Variants in UPP1 observed in about 807,000 individuals in gnomAD.
UPP1 encodes uridine phosphorylase 1.
In UPP1, 25 loss-of-function variants were observed where a neutral mutation model predicts 29.6. The observed-to-expected ratio is 0.85, with a 90% confidence interval of 0.62 to 1.18. UPP1 has a LOEUF of 1.18. Among genes scored for constraint, UPP1 ranks in the 50% most tolerant of loss-of-function variants. The probability of loss-of-function intolerance (pLI) is 0.00; values close to 1 mark genes in which losing one functional copy is unlikely to be tolerated. For synonymous variants in UPP1, 165 were observed against 159.8 expected, an observed-to-expected ratio of 1.03 and a Z score of -0.25; for missense variants, 368 against 410.4, an observed-to-expected ratio of 0.90 and a Z score of 0.89.
chr7:48,095,011 C>T (rs1048550324), intron 3 of UPP1, among the ~76,000 whole-genome samples, 184 bp downstream of exon 3: 7 of 152,266 alleles, frequency 4.6e-5, no homozygotes, highest in East Asian at 1.9e-4. Context: ...TAAAGACCTC[C>T]GGGGTCGGGT....
chr7:48,102,734 A>G (rs1792500556), intron 5 of UPP1, among the ~76,000 whole-genome samples: 1 of 152,178 alleles, frequency 6.6e-6, no homozygotes, highest in South Asian at 2.1e-4. Flanking sequence ...GGGGAGAGGC[A>G]TCACAGAAGT....
intron 3 of UPP1, among the ~76,000 whole-genome samples, chr7:48,097,519 C>T (rs1208843563): frequency 6.6e-6 from 1 of 152,186 alleles, no homozygotes; most frequent in Non-Finnish European, 1.5e-5. Flanking sequence ...CAGGAGTGAG[C>T]CACTGTACCC....
intron 6 of UPP1, 140 bp downstream of exon 6, chr7:48,103,551 T>C: frequency 1.1e-6 from 1 of 894,566 alleles, no homozygotes; most frequent in South Asian, 1.5e-5. Context: ...TAACAGGAGG[T>C]GTGAAAAGAA....
At chr7:48,089,896 G>A (rs188266185) in intron 1 of UPP1, among the ~76,000 whole-genome samples, 5 of 152,320 alleles carry the variant, frequency 3.3e-5, no homozygotes, top group African/African-American at 1.2e-4. Context: ...GGAAGGAGAT[G>A]GTGACTTAAG....
At chr7:48,107,761 C>G (rs1264159963) in intron 8 of UPP1, among the ~76,000 whole-genome samples, 3 of 152,206 alleles carry the variant, frequency 2.0e-5, no homozygotes, top group Non-Finnish European at 2.9e-5. Context: ...CTTTTGCTGC[C>G]CCATGAGGCT....
At chr7:48,097,708 G>T (rs1397573837) in intron 3 of UPP1, among the ~76,000 whole-genome samples, 2 of 152,160 alleles carry the variant, frequency 1.3e-5, no homozygotes, top group Non-Finnish European at 2.9e-5. Flanking sequence ...GCCCTTCTAT[G>T]TTGTACTCTG....
In UPP1 at chr7:48,108,536, T is replaced by G; in HGVS notation, c.*179T>G. The G allele has an allele frequency of 1.5e-6, 1 of 680,040 alleles. No homozygotes were observed. Among genetic ancestry groups the G allele is most frequent in the South Asian group, 3.7e-5 (1 of 26,714 alleles). 42.1% of individuals were successfully genotyped at this position (680,040 alleles called of 1,614,324 possible). A position where few individuals can be genotyped will look rare whatever the true frequency, so the allele number is the denominator to read the frequency against. ...TGGGAGATGTTCTTCCTTTTGAAGT[T>G]TCATTGGAGCATTTTCAATGATGTT... On this transcript the variant is annotated 3_prime_UTR_variant, in exon 9 of 9. Coordinates refer to ENST00000395564, the MANE Select transcript of UPP1 (RefSeq NM_003364.4).
rs750795749 is a variant in UPP1, at chr7:48,094,756, T to C, written c.-21-7T>C. ...ATTCACTCCATTCTGTGATTTTTTT[T>C]CCTTAGGGTCCTGCCTCAGTTGGCG... On this transcript the variant is annotated splice_region_variant and splice_polypyrimidine_tract_variant and intron_variant, in intron 2 of 8. Coordinates refer to ENST00000395564, the MANE Select transcript of UPP1 (RefSeq NM_003364.4). 6 of 1,614,062 alleles carry C rather than the reference T, an allele frequency of 3.7e-6. No homozygotes were observed. The Admixed American group carries it at 8.3e-5, about 22-fold the overall frequency.
intron 8 of UPP1, among the ~76,000 whole-genome samples, chr7:48,107,909 C>T (rs199501494): frequency 2.0e-4 from 31 of 152,208 alleles, no homozygotes; most frequent in Admixed American, 2.0e-3. Context: ...TCGGCCAAAA[C>T]GTGCCTTTCA....
chr7:48,089,983 C>G (rs78112151), intron 1 of UPP1, among the ~76,000 whole-genome samples: 3 of 152,214 alleles, frequency 2.0e-5, no homozygotes, highest in East Asian at 3.8e-4. Context: ...ATGATTGTTA[C>G]GCGAGCTTTC....
At chr7:48,098,669 G>A (rs1792256344) in intron 3 of UPP1, among the ~76,000 whole-genome samples, 2 of 152,140 alleles carry the variant, frequency 1.3e-5, no homozygotes, top group Admixed American at 6.5e-5. Flanking sequence ...TTTCTCATGA[G>A]TTAGAATGAG....
intron 6 of UPP1, 28 bp from the exon 7 acceptor site, chr7:48,106,845 A>C (rs200282252): frequency 1.2e-6 from 2 of 1,611,052 alleles, no homozygotes; most frequent in Non-Finnish European, 1.7e-6. Context: ...TACACCCTGC[A>C]TATCTTGATG....
In UPP1 at chr7:48,104,389, A is replaced by G. The variant is rs192679615; in HGVS notation, c.436+978A>G. ...CTCTCTGGGGTTCCAACTCTGTGCC[A>G]TTCTTTCTGCTAAAAACTGGGTTCT... On this transcript the variant is annotated intron_variant, in intron 6 of 8. Coordinates refer to ENST00000395564, the MANE Select transcript of UPP1 (RefSeq NM_003364.4). Among the ~76,000 whole-genome samples, 358 of 152,262 alleles carry G rather than the reference A, an allele frequency of 2.4e-3. 2 individuals carry two copies. The highest frequency in any genetic ancestry group is 7.9e-3 in the African/African-American group (327 of 41,552).
intron 7 of UPP1, 43 bp downstream of exon 7, chr7:48,107,125 C>T (rs750155842): frequency 6.3e-7 from 1 of 1,599,840 alleles, no homozygotes; most frequent in Non-Finnish European, 8.5e-7. Flanking sequence ...GCCAGGGAAC[C>T]CTGGTCCGTC....
At position 48,107,077 on chromosome 7, in the gene UPP1, AT is replaced by A. The variant is rs764996842; in HGVS notation, c.642del (p.Tyr214Ter). 6.8e-5 allele frequency: 109 copies of A among 1,611,656 alleles called. No homozygotes were observed. The highest frequency in any genetic ancestry group is 8.7e-5 in the Non-Finnish European group (103 of 1,179,712). On this transcript the variant is annotated frameshift_variant, in exon 7 of 9. Transcript: ENST00000395564. LOFTEE classifies it high-confidence loss of function. ...AACACCATGTGCACCTTGGACTTCTATGAAGGTGAGGCAGCGGATACGAGGA... is the reference window on the plus strand; with the variant it reads ...AACACCATGTGCACCTTGGACTTCTAGAAGGTGAGGCAGCGGATACGAGGA... The part of the protein sequence containing the change: ...VGNTMCTLDF[Y>X]EGQGRLDGAL...
chr7:48,102,047 T>A, intron 5 of UPP1, 65 bp downstream of exon 5: 1 of 1,546,152 alleles, frequency 6.5e-7, no homozygotes, highest in Non-Finnish European at 8.8e-7. Flanking sequence ...CCCACCCCTC[T>A]GCACACACAG....
At chr7:48,090,167 A>T (rs1791746859) in intron 1 of UPP1, 21 bp from the exon 2 acceptor site, 1 of 152,204 alleles carries the variant, frequency 6.6e-6, no homozygotes. Context: ...TTATATGGCA[A>T]CCTGTTCTTG....
At chr7:48,103,432 T>G (rs1459606624) in intron 6 of UPP1, 21 bp downstream of exon 6, 1 of 1,596,794 alleles carries the variant, frequency 6.3e-7, no homozygotes, top group South Asian at 1.1e-5. Context: ...CAGAGGGGCC[T>G]CTTGCCCTGT....
At chr7:48,098,827 A>C (rs775235454) in intron 3 of UPP1, among the ~76,000 whole-genome samples, 29 of 152,298 alleles carry the variant, frequency 1.9e-4, no homozygotes, top group Middle Eastern at 3.4e-3. Flanking sequence ...GAAGGCATAC[A>C]TTGTTGAAGG....
Sources: gnomAD v4.1 joint callset for allele counts (sites outside exome capture counted in the v4.1 genomes callset) on GRCh38, gnomAD v4.1.1 for gene constraint, MANE v1.5 for transcripts, NCBI Gene and HGNC (gene_info 2026-07-23, HGNC 2026-07-21) for gene names.